PCDH11Y: variants seen among roughly 807,000 people sequenced by gnomAD.
The protein encoded by PCDH11Y is protocadherin-11 Y-linked.
For synonymous variants in PCDH11Y, 9 were observed against 83.6 expected, an observed-to-expected ratio of 0.11 and a Z score of 4.87; for missense variants, 12 against 224.8, an observed-to-expected ratio of 0.05 and a Z score of 6.05.
At chrY:5,117,845 A>G in intron 2 of PCDH11Y, among the ~76,000 whole-genome samples, 1 of 31,487 alleles carries the variant, frequency 3.2e-5, no homozygotes, top group African/African-American at 1.2e-4. Flanking sequence ...TACTGATATT[A>G]TATATAATAC....
chrY:5,365,771 T>C, intron 2 of PCDH11Y, among the ~76,000 whole-genome samples: 1 of 33,487 alleles, frequency 3.0e-5, no homozygotes. Flanking sequence ...ATCAATGGCA[T>C]GCAGGATTTT....
At chrY:5,662,188 A>G in intron 4 of PCDH11Y, among the ~76,000 whole-genome samples, 2 of 33,315 alleles carry the variant, frequency 6.0e-5, no homozygotes, top group Non-Finnish European at 1.5e-4. Context: ...ATTATTAATC[A>G]TAAGACATCA....
chrY:5,047,630 T>G (rs2052645265), intron 3 of PCDH11Y, among the ~76,000 whole-genome samples: 1 of 33,740 alleles, frequency 3.0e-5, no homozygotes, highest in Non-Finnish European at 7.4e-5. Context: ...TATTGCTAAA[T>G]AGAGAAAACA....
intron 1 of PCDH11Y, among the ~76,000 whole-genome samples, chrY:5,082,624 T>C (rs2052723009): frequency 3.0e-5 from 1 of 33,446 alleles, no homozygotes; most frequent in Non-Finnish European, 7.4e-5. Flanking sequence ...GGGTGTATAT[T>C]TCCAGGAACT....
At chrY:5,698,560 G>C in intron 4 of PCDH11Y, among the ~76,000 whole-genome samples, 1 of 32,528 alleles carries the variant, frequency 3.1e-5, no homozygotes, top group African/African-American at 1.2e-4. Context: ...TCTAATTTTG[G>C]CAAGATAATC....
intron 4 of PCDH11Y, among the ~76,000 whole-genome samples, chrY:5,612,128 G>A (rs1602951298): frequency 1.4e-4 from 4 of 28,985 alleles, no homozygotes; most frequent in African/African-American, 4.1e-4. Flanking sequence ...GAAATCACCC[G>A]TCTTCTGCGT....
chrY:5,423,022 C>T (rs1602923103), intron 2 of PCDH11Y, among the ~76,000 whole-genome samples: 1 of 32,580 alleles, frequency 3.1e-5, no homozygotes, highest in African/African-American at 1.2e-4. Flanking sequence ...ATTTGCAAAC[C>T]ATATATCTCA....
At chrY:5,303,121 A>T (rs1602901399) in intron 2 of PCDH11Y, among the ~76,000 whole-genome samples, 1 of 32,703 alleles carries the variant, frequency 3.1e-5, no homozygotes, top group Admixed American at 2.9e-4. Context: ...TGGCAGAATG[A>T]GGGTAGTTAT....
chrY:5,322,736 C>T, intron 2 of PCDH11Y, among the ~76,000 whole-genome samples: 1 of 32,455 alleles, frequency 3.1e-5, no homozygotes, highest in Non-Finnish European at 7.5e-5. Context: ...ATTTTTTCTT[C>T]TTGCACCAAT....
chrY:5,419,268 G>A, intron 2 of PCDH11Y, among the ~76,000 whole-genome samples: 2 of 32,867 alleles, frequency 6.1e-5, no homozygotes, highest in Non-Finnish European at 1.5e-4. Flanking sequence ...TGTATCCCAA[G>A]AGATAATCTA....
Position 5,437,663 on chromosome Y carries a change from G to A in PCDH11Y, c.3130-63394G>A, listed in dbSNP as rs372500540. ...CCATTTTCCTTGACTTTCAGATACT[G>A]GCTTTCTTTTTTTTTAATTTAATTT... On this transcript the variant is annotated intron_variant, in intron 2 of 4. Coordinates refer to the PCDH11Y transcript ENST00000400457. Among the ~76,000 whole-genome samples, 4 of 32,131 alleles carry A rather than the reference G, an allele frequency of 1.2e-4. No homozygotes were observed. In the East Asian group the frequency reaches 3.3e-3, roughly 27 times the overall value. 86.2% of individuals were successfully genotyped at this position (32,131 alleles called of 37,273 possible). A position where few individuals can be genotyped will look rare whatever the true frequency, so the allele number is the denominator to read the frequency against.
chrY:5,188,271 G>C, intron 2 of PCDH11Y, among the ~76,000 whole-genome samples: 1 of 32,366 alleles, frequency 3.1e-5, no homozygotes, highest in Non-Finnish European at 7.5e-5. Flanking sequence ...GCCTCTCCCT[G>C]TTACCCATTT....
At chrY:5,392,612 A>G (rs2053222557) in intron 2 of PCDH11Y, among the ~76,000 whole-genome samples, 1 of 33,482 alleles carries the variant, frequency 3.0e-5, no homozygotes, top group Non-Finnish European at 7.3e-5. Context: ...CTCTTGAAAG[A>G]GTCAAAATCA....
intron 2 of PCDH11Y, among the ~76,000 whole-genome samples, chrY:5,131,963 A>G (rs1602873281): frequency 6.0e-5 from 2 of 33,379 alleles, no homozygotes; most frequent in Admixed American, 2.8e-4. Context: ...GCTAATTAAC[A>G]TATCCATAAC....
intron 4 of PCDH11Y, among the ~76,000 whole-genome samples, chrY:5,651,904 T>C (rs2053531615): frequency 3.2e-5 from 1 of 31,098 alleles, no homozygotes; most frequent in Non-Finnish European, 7.7e-5. Flanking sequence ...GATGGTGGAA[T>C]AGAAAACTCC....
chrY:5,260,809 A>T (rs2124658001), intron 2 of PCDH11Y, among the ~76,000 whole-genome samples: 1 of 31,215 alleles, frequency 3.2e-5, no homozygotes, highest in Non-Finnish European at 7.7e-5. Flanking sequence ...TGTTTATTGT[A>T]CTCTTCACAG....
chrY:5,240,377 G>T (rs2052986768), intron 2 of PCDH11Y, among the ~76,000 whole-genome samples: 2 of 32,592 alleles, frequency 6.1e-5, no homozygotes, highest in Admixed American at 5.7e-4. Flanking sequence ...CTCCTCCCAT[G>T]AATCATGAAT....
downstream of PCDH11Y, among the ~76,000 whole-genome samples, chrY:5,107,951 T>G (rs1187677913): frequency 1.0e-4 from 3 of 29,488 alleles, no homozygotes; most frequent in Admixed American, 3.2e-4. Flanking sequence ...CCCAGCTACT[T>G]GAGAGGCTGA....
chrY:5,302,998 G>A, intron 2 of PCDH11Y, among the ~76,000 whole-genome samples: 2 of 32,691 alleles, frequency 6.1e-5, no homozygotes, highest in Admixed American at 5.7e-4. Context: ...TTAGATGTGT[G>A]TATACAAGTT....
Sources: allele counts gnomAD v4.1 joint callset (sites outside exome capture counted in the v4.1 genomes callset), GRCh38; gene constraint gnomAD v4.1.1; transcripts MANE v1.5; gene names NCBI Gene and HGNC (gene_info 2026-07-23, HGNC 2026-07-21).